The following JPH3 variants were observed in gnomAD, a reference collection of about 807,000 sequenced individuals.
The protein encoded by JPH3 is junctophilin 3, also known as junctophilin-3.
Under a neutral mutation model 59.6 loss-of-function variants are expected in JPH3, and 11 were observed. That is an observed-to-expected ratio of 0.18 (90% CI 0.12 to 0.31). JPH3 has a LOEUF of 0.31. Among genes scored for constraint, JPH3 ranks in the 10% least tolerant of loss-of-function variants. The pLI is 1.00. For missense variants in JPH3, 1,202 were observed against 1,105.7 expected, an observed-to-expected ratio of 1.09 and a Z score of -1.24; for synonymous variants, 673 against 483.6, an observed-to-expected ratio of 1.39 and a Z score of -5.14.
At chr16:87,637,984 T>G (rs1318486387) in intron 1 of JPH3, among the ~76,000 whole-genome samples, 1 of 152,196 alleles carries the variant, frequency 6.6e-6, no homozygotes, top group Non-Finnish European at 1.5e-5. Context: ...TGGCACAATC[T>G]TGGCTCACTG....
intron 2 of JPH3, among the ~76,000 whole-genome samples, chr16:87,669,685 G>A (rs1327210883): frequency 1.3e-5 from 2 of 152,178 alleles, no homozygotes; most frequent in African/African-American, 4.8e-5. Context: ...TGTGAGGGCC[G>A]CCTGGTCAGA....
intron 1 of JPH3, among the ~76,000 whole-genome samples, chr16:87,636,168 G>A (rs1424455375): frequency 2.0e-5 from 3 of 152,232 alleles, no homozygotes; most frequent in Non-Finnish European, 4.4e-5. Context: ...TTGGGAATCA[G>A]CGGCTTGGGT....
intron 1 of JPH3, among the ~76,000 whole-genome samples, chr16:87,633,783 A>T (rs975148302): frequency 6.6e-6 from 1 of 151,964 alleles, no homozygotes; most frequent in Admixed American, 6.5e-5. Context: ...GGGCGACAGA[A>T]TGAGACTCCA....
chr16:87,618,765 T>C (rs2031066129), intron 1 of JPH3, among the ~76,000 whole-genome samples: 1 of 152,174 alleles, frequency 6.6e-6, no homozygotes, highest in Non-Finnish European at 1.5e-5. Flanking sequence ...TTTGGAGCAA[T>C]GCCTGTTCAG....
intron 1 of JPH3, among the ~76,000 whole-genome samples, chr16:87,642,153 T>G (rs1425144070): frequency 6.6e-6 from 1 of 151,224 alleles, no homozygotes; most frequent in African/African-American, 2.4e-5. Context: ...GACGGACAGG[T>G]CACTTGAGGC....
At chr16:87,635,007 G>A (rs535322394) in intron 1 of JPH3, among the ~76,000 whole-genome samples, 1 of 152,296 alleles carries the variant, frequency 6.6e-6, no homozygotes, top group Admixed American at 6.5e-5. Context: ...CCGCCTGCAT[G>A]GAGCCATGGA....
Position 87,673,347 on chromosome 16 carries a change from G to A in JPH3, c.1161-10795G>A, listed in dbSNP as rs540581890. Among the ~76,000 whole-genome samples the A allele has an allele frequency of 1.8e-4, 28 of 151,930 alleles. No individual in the cohort carries two copies. In the South Asian group the frequency reaches 4.4e-3, roughly 24 times the overall value. On this transcript the variant is annotated intron_variant, in intron 2 of 4. Coordinates refer to ENST00000284262, the MANE Select transcript of JPH3 (RefSeq NM_020655.4). The stretch of plus-strand genomic sequence containing the variant: ...AAAAAAACTGATCTACTGAATTACA[G>A]AAGATGCGAGGAAACAGACCCCCTC...
chr16:87,614,783 C>T (rs1454300094), intron 1 of JPH3, among the ~76,000 whole-genome samples: 19 of 121,996 alleles, frequency 1.6e-4, no homozygotes, highest in Non-Finnish European at 2.0e-4. Flanking sequence ...CACGAGGAGC[C>T]GCGTGTCCTC....
At chr16:87,605,636 C>G (rs773319536) in intron 1 of JPH3, among the ~76,000 whole-genome samples, 1 of 152,230 alleles carries the variant, frequency 6.6e-6, no homozygotes, top group African/African-American at 2.4e-5. Flanking sequence ...TCCACTCCAG[C>G]CAGACAGCTC....
intron 2 of JPH3, among the ~76,000 whole-genome samples, chr16:87,646,960 C>T (rs1458390567): frequency 6.6e-6 from 1 of 152,084 alleles, no homozygotes; most frequent in Non-Finnish European, 1.5e-5. Flanking sequence ...AAGCGGGTTC[C>T]CATTAAGGAG....
At chr16:87,632,170 C>G (rs1057060962) in intron 1 of JPH3, among the ~76,000 whole-genome samples, 1 of 152,216 alleles carries the variant, frequency 6.6e-6, no homozygotes, top group African/African-American at 2.4e-5. Flanking sequence ...TTCCACCTCT[C>G]TCCTGGATAA....
At position 87,604,287 on chromosome 16, in the gene JPH3, CCTG is replaced by C. The variant is rs71156237; in HGVS notation, c.382+799_382+801del. On this transcript the variant is annotated intron_variant, in intron 1 of 4. Coordinates refer to ENST00000284262, the MANE Select transcript of JPH3 (RefSeq NM_020655.4). ...GCCGGGGCCGGAAGCCAGGGAGCTG[CCTG>C]CTGCTGCTGCTGCTGCTGCTGCTGC... 0.01 allele frequency: 14,046 copies of C among 1,389,866 alleles called. 293 individuals are homozygous for C. Among genetic ancestry groups the C allele is most frequent in the African/African-American group, 0.098 (6,724 of 68,300 alleles). The allele number at this position is 1,389,866 out of a possible 1,614,324, so 86.1% of individuals were successfully genotyped here.
intron 2 of JPH3, among the ~76,000 whole-genome samples, chr16:87,671,478 C>T (rs754409952): frequency 6.6e-6 from 1 of 152,212 alleles, no homozygotes; most frequent in East Asian, 1.9e-4. Context: ...GGGTGGCGGC[C>T]GCTGTGCCTG....
intron 2 of JPH3, among the ~76,000 whole-genome samples, chr16:87,645,714 G>T (rs1348554092): frequency 1.3e-5 from 2 of 152,166 alleles, no homozygotes; most frequent in African/African-American, 4.8e-5. Context: ...TTTAGGGGTG[G>T]GTGCAGGATG....
At chr16:87,635,330 A>G (rs1003022518) in intron 1 of JPH3, among the ~76,000 whole-genome samples, 12 of 152,078 alleles carry the variant, frequency 7.9e-5, no homozygotes, top group Admixed American at 1.3e-4. Flanking sequence ...TCCGAAACTA[A>G]AGTTTTGGGA....
chr16:87,692,876 C>G (rs560185790), intron 4 of JPH3, among the ~76,000 whole-genome samples: 1 of 152,228 alleles, frequency 6.6e-6, no homozygotes, highest in Non-Finnish European at 1.5e-5. Flanking sequence ...ACGGGCTGGA[C>G]TGTGGCAGAA....
At chr16:87,646,093 C>T (rs1239161774) in intron 2 of JPH3, among the ~76,000 whole-genome samples, 1 of 152,156 alleles carries the variant, frequency 6.6e-6, no homozygotes, top group South Asian at 2.1e-4. Context: ...TCCCAGGGCA[C>T]GTTCCCCTGC....
chr16:87,649,304 G>A (rs942621341), intron 2 of JPH3, among the ~76,000 whole-genome samples: 6 of 152,164 alleles, frequency 3.9e-5, no homozygotes, highest in Admixed American at 1.3e-4. Context: ...CAGGGCATTC[G>A]GCCCCTCCTG....
intron 2 of JPH3, among the ~76,000 whole-genome samples, chr16:87,664,773 C>A (rs1233920872): frequency 6.6e-6 from 1 of 152,164 alleles, no homozygotes; most frequent in African/African-American, 2.4e-5. Flanking sequence ...GTATGACCCA[C>A]AGCTCACATG....
Sources: gnomAD v4.1 joint callset for allele counts (sites outside exome capture counted in the v4.1 genomes callset) on GRCh38, gnomAD v4.1.1 for gene constraint, MANE v1.5 for transcripts, NCBI Gene and HGNC (gene_info 2026-07-23, HGNC 2026-07-21) for gene names.